The following ERCC6 variants were observed in gnomAD, a reference collection of about 807,000 sequenced individuals.
ERCC6 encodes the protein DNA excision repair protein ERCC-6.
A neutral mutation model predicts 158.7 loss-of-function variants in ERCC6; 116 were observed. The ratio of observed to expected loss-of-function variants is 0.73; its 90% CI spans 0.63 to 0.85. ERCC6 has a LOEUF of 0.85. Among genes scored for constraint, ERCC6 ranks in the 40% least tolerant of loss-of-function variants. The pLI, the probability that ERCC6 is intolerant of heterozygous loss-of-function variation, is 0.00. For synonymous variants in ERCC6, 678 were observed against 659.3 expected (o/e 1.03, Z -0.43); for missense variants, 1,698 against 1,799.4 (o/e 0.94, Z 1.02).
At chr10:49,450,606 C>T (rs1270568269), downstream of ERCC6, among the ~76,000 whole-genome samples, 1 of 152,166 alleles carries the variant, frequency 6.6e-6, no homozygotes, top group African/African-American at 2.4e-5. Context: ...GTCATCTTAA[C>T]AGCATTAACT....
At chr10:49,522,826 A>G (rs1263864795) in intron 5 of ERCC6, among the ~76,000 whole-genome samples, 1 of 152,214 alleles carries the variant, frequency 6.6e-6, no homozygotes, top group Non-Finnish European at 1.5e-5. Flanking sequence ...CGTGCACAGA[A>G]ACGAAAGCTG....
At chr10:49,473,716 A>G in intron 13 of ERCC6, 129 bp from the exon 14 acceptor site, 2 of 751,140 alleles carry the variant, frequency 2.7e-6, no homozygotes, top group Non-Finnish European at 4.9e-6. Context: ...GCTTTAGGAC[A>G]GATAAACAGA....
intron 5 of ERCC6, among the ~76,000 whole-genome samples, chr10:49,514,770 T>G (rs190321205): frequency 6.6e-6 from 1 of 152,344 alleles, no homozygotes; most frequent in Non-Finnish European, 1.5e-5. Context: ...GCTGGGTATT[T>G]AATATAGTTT....
intron 18 of ERCC6, among the ~76,000 whole-genome samples, chr10:49,463,236 T>C (rs969560105): frequency 2.6e-5 from 4 of 152,232 alleles, no homozygotes; most frequent in Non-Finnish European, 5.9e-5. Context: ...AATTTTAATA[T>C]AATACGTTTA....
rs1482287422 is a variant in ERCC6, at chr10:49,459,173, T to C, written c.4124A>G (p.Glu1375Gly). 7 of 1,614,238 alleles carry C rather than the reference T, an allele frequency of 4.3e-6. No individual in the cohort carries two copies. The South Asian group carries it at 7.7e-5, about 18-fold the overall frequency. Reference protein sequence around the residue: ...NVPEHFSGRAEDADSSSGPLA... With the variant: ...NVPEHFSGRAGDADSSSGPLA... Reference sequence around the variant, plus strand: ...GGGCCCGGATGAAGAGTCTGCATCTTCTGCTCTTCCACTAAAATGCTCAGG... The same window carrying C: ...GGGCCCGGATGAAGAGTCTGCATCTCCTGCTCTTCCACTAAAATGCTCAGG... Residue 1375 changes from glutamate to glycine, a missense_variant, in exon 21 of 21, where the codon GAA (glutamate) becomes GGA (glycine). Glu to Gly is a moderately conservative substitution (Grantham distance 98). Coordinates refer to ENST00000355832, the MANE Select transcript of ERCC6 (RefSeq NM_000124.4).
the ERCC6 span, among the ~76,000 whole-genome samples, chr10:49,447,613 A>T: frequency 1.3e-5 from 2 of 151,912 alleles, no homozygotes; most frequent in Non-Finnish European, 2.9e-5. Context: ...CCGAGGCAGG[A>T]GAATGGCGTG....
intron 8 of ERCC6, among the ~76,000 whole-genome samples, chr10:49,485,690 A>T (rs1376788300): frequency 6.6e-6 from 1 of 152,232 alleles, no homozygotes; most frequent in Non-Finnish European, 1.5e-5. Context: ...ACATTTGCCA[A>T]AACTTTATGC....
chr10:49,468,983 GA>G (rs61217679), intron 18 of ERCC6, among the ~76,000 whole-genome samples: 134,565 of 151,852 alleles, frequency 0.89, 59,652 homozygotes, highest in East Asian at 1. Context: ...TACAGTCATG[GA>G]AAAAAAAAGA....
rs1195602085 is a variant in ERCC6 at position 49,454,911 on chromosome 10, C to A, written c.*3904G>T. Among the ~76,000 whole-genome samples the A allele has an allele frequency of 6.6e-6, 1 of 152,024 alleles. No individual in the cohort carries two copies. The highest frequency in any genetic ancestry group is 1.5e-5 in the Non-Finnish European group (1 of 67,988). On this transcript the variant is annotated 3_prime_UTR_variant, in exon 21 of 21. Coordinates refer to ENST00000355832, the MANE Select transcript of ERCC6 (RefSeq NM_000124.4). ...ATTATATGTAAATTGGTAAAGGTGG[C>A]CTTATACATCAGGAGGAAAATAATA...
intron 4 of ERCC6, among the ~76,000 whole-genome samples, chr10:49,526,687 G>T (rs919955389): frequency 6.6e-6 from 1 of 152,108 alleles, no homozygotes; most frequent in Admixed American, 6.5e-5. Context: ...TTGGTATTTT[G>T]GTTATGTGGT....
intron 4 of ERCC6, among the ~76,000 whole-genome samples, chr10:49,527,908 C>T (rs1038983432): frequency 3.3e-5 from 5 of 152,136 alleles, no homozygotes; most frequent in Admixed American, 1.3e-4. Context: ...CCAGAGCTTA[C>T]GAATTTTCCC....
At position 49,527,847 on chromosome 10, in the gene ERCC6, T is replaced by TAC. The variant is rs534697990; in HGVS notation, c.652+568_652+569dup. The stretch of plus-strand genomic sequence containing the variant: ...TGCCTATGCAGCCACCAACAATTTG[T>TAC]ACACACACACACACATACACACACA... On this transcript the variant is annotated intron_variant, in intron 4 of 20. Transcript: ENST00000355832. 7.4e-4 allele frequency among the ~76,000 whole-genome samples: 112 copies of TAC among 151,836 alleles called. 2 individuals are homozygous for TAC. The East Asian group carries it at 0.017, about 23-fold the overall frequency.
chr10:49,505,730 G>T, intron 6 of ERCC6, 154 bp downstream of exon 6: 1 of 786,596 alleles, frequency 1.3e-6, no homozygotes, highest in African/African-American at 1.7e-5. Context: ...TGAACAGCAC[G>T]TGGCTATAAT....
intron 5 of ERCC6, among the ~76,000 whole-genome samples, chr10:49,522,395 T>A (rs980656359): frequency 6.6e-6 from 1 of 152,228 alleles, no homozygotes; most frequent in Non-Finnish European, 1.5e-5. Flanking sequence ...TTTAACAGCC[T>A]TAATAACTGT....
intron 5 of ERCC6, chr10:49,515,395 G>T: frequency 6.2e-7 from 1 of 1,613,934 alleles, no homozygotes; most frequent in Non-Finnish European, 8.5e-7. Context: ...TTTTCACATC[G>T]AAAAGTTGTG....
chr10:49,536,341 A>T (rs1837598440), intron 1 of ERCC6, among the ~76,000 whole-genome samples: 1 of 152,110 alleles, frequency 6.6e-6, no homozygotes, highest in Non-Finnish European at 1.5e-5. Flanking sequence ...AGAGCACGTA[A>T]TGGCTGGAGG....
intron 5 of ERCC6, 146 bp downstream of exon 5, chr10:49,523,887 G>C (rs1837238997): frequency 8.4e-7 from 1 of 1,196,616 alleles, no homozygotes; most frequent in Admixed American, 2.1e-5. Context: ...ACTGCTTCTA[G>C]CAGGTTAAGG....
At chr10:49,533,657 G>T (rs1164594651) in intron 1 of ERCC6, among the ~76,000 whole-genome samples, 1 of 152,044 alleles carries the variant, frequency 6.6e-6, no homozygotes, top group Non-Finnish European at 1.5e-5. Context: ...TAAAACCTTA[G>T]CCAGGCCTGG....
At chr10:49,476,685 C>G (rs1451787830) in intron 11 of ERCC6, among the ~76,000 whole-genome samples, 1 of 152,168 alleles carries the variant, frequency 6.6e-6, no homozygotes, top group African/African-American at 2.4e-5. Flanking sequence ...AGACCACAAC[C>G]TCACCTGGAG....
Sources: gnomAD v4.1 joint callset for allele counts (sites outside exome capture counted in the v4.1 genomes callset) on GRCh38, gnomAD v4.1.1 for gene constraint, MANE v1.5 for transcripts, NCBI Gene and HGNC (gene_info 2026-07-23, HGNC 2026-07-21) for gene names.